The following PIEZO2 variants were observed in gnomAD, a reference collection of about 807,000 sequenced individuals.
The protein encoded by PIEZO2 is piezo type mechanosensitive ion channel component 2, also known as piezo-type mechanosensitive ion channel component 2.
PIEZO2 carries 172 observed loss-of-function variants against 337.3 expected under a neutral mutation model. That is an observed-to-expected ratio of 0.51 (90% CI 0.45 to 0.58). The LOEUF is 0.58. PIEZO2 is among the 20% of genes least tolerant of loss of function. The pLI is 0.00. For synonymous variants in PIEZO2, 1,251 were observed against 1,228.5 expected (o/e 1.02, Z -0.38); for missense variants, 3,028 against 3,391.3 (o/e 0.89, Z 2.66).
At chr18:11,133,854 TAA>T (rs1323922152) in intron 1 of PIEZO2, among the ~76,000 whole-genome samples, 1 of 151,374 alleles carries the variant, frequency 6.6e-6, no homozygotes, top group Non-Finnish European at 1.5e-5. Context: ...TATATACACT[TAA>T]TAAACTCCTC....
intron 5 of PIEZO2, among the ~76,000 whole-genome samples, chr18:10,864,437 C>T (rs927978607): frequency 2.0e-5 from 3 of 152,084 alleles, no homozygotes; most frequent in Non-Finnish European, 2.9e-5. Flanking sequence ...AAAGAGATTA[C>T]GTCTGACTAA....
chr18:10,747,016 T>A (rs1394390162), intron 30 of PIEZO2, among the ~76,000 whole-genome samples: 4 of 152,230 alleles, frequency 2.6e-5, no homozygotes, highest in Non-Finnish European at 4.4e-5. Flanking sequence ...CACCTCTTTG[T>A]AACAGAGTTG....
chr18:11,024,536 A>T (rs1238341829), intron 2 of PIEZO2, among the ~76,000 whole-genome samples: 7 of 133,822 alleles, frequency 5.2e-5, no homozygotes, highest in African/African-American at 1.8e-4. Flanking sequence ...ACAGAGCGAG[A>T]CTCTGTCTCA....
chr18:10,790,676 G>A (rs1160013141), intron 14 of PIEZO2, among the ~76,000 whole-genome samples: 4 of 151,282 alleles, frequency 2.6e-5, no homozygotes. Context: ...TCTTTCATTG[G>A]GAATCACCTT....
Position 10,897,921 on chromosome 18 carries a change from G to T in PIEZO2, c.329+13265C>A, listed in dbSNP as rs545620315. 1.1e-4 allele frequency among the ~76,000 whole-genome samples: 16 copies of T among 152,306 alleles called. No homozygotes were observed. The South Asian group carries it at 3.1e-3, about 30-fold the overall frequency. ...GTTAATAAAATACACGGTCTTCAAA[G>T]ACTTTCTCTGCTATCGAATGATATT... On this transcript the variant is annotated intron_variant, in intron 4 of 55. Coordinates refer to ENST00000674853, the MANE Select transcript of PIEZO2 (RefSeq NM_001378183.1).
intron 1 of PIEZO2, among the ~76,000 whole-genome samples, chr18:11,086,347 C>A (rs2865144): frequency 0.1 from 15,907 of 151,738 alleles, 993 homozygotes; most frequent in Non-Finnish European, 0.14. Flanking sequence ...GGTGAAACCC[C>A]GTCTCGACTA....
chr18:10,809,582 T>C (rs966854022), intron 7 of PIEZO2, among the ~76,000 whole-genome samples: 21 of 150,402 alleles, frequency 1.4e-4, no homozygotes, highest in African/African-American at 4.7e-4. Context: ...TCTCTCTCTT[T>C]TTTTTTTTCT....
chr18:10,773,980 T>C lies in PIEZO2; in HGVS notation c.2567+26A>G. 1 of 703,056 alleles carries C rather than the reference T, an allele frequency of 1.4e-6. No individual in the cohort carries two copies. The highest frequency in any genetic ancestry group is 2.6e-6 in the Non-Finnish European group (1 of 385,004). 43.6% of individuals were successfully genotyped at this position (703,056 alleles called of 1,614,324 possible). A position where few individuals can be genotyped will look rare whatever the true frequency, so the allele number is the denominator to read the frequency against. On this transcript the variant is annotated intron_variant, in intron 19 of 55. Coordinates refer to ENST00000674853, the MANE Select transcript of PIEZO2 (RefSeq NM_001378183.1). The surrounding 1 kb of genome is among the most constrained non-coding windows in gnomAD (Gnocchi z 5.3). ...GAAATGGCATCATGTAGAGCAAGCA[T>C]TTCATGGCTTCACAGGGGGACTTAC...
Position 10,928,159 on chromosome 18 carries a change from G to T in PIEZO2, c.287-16931C>A, listed in dbSNP as rs190749969. Among the ~76,000 whole-genome samples, 14 of 152,280 alleles carry T rather than the reference G, an allele frequency of 9.2e-5. No individual in the cohort carries two copies. The East Asian group carries it at 2.7e-3, about 29-fold the overall frequency. ...AAGAATGAAGTCTGGCTTTGAATAA[G>T]TATCAGTTTCCATATTACAGTAAGG... On this transcript the variant is annotated intron_variant, in intron 3 of 55. Transcript: ENST00000674853.
At chr18:10,811,274 T>G (rs531783503) in intron 7 of PIEZO2, among the ~76,000 whole-genome samples, 1 of 152,212 alleles carries the variant, frequency 6.6e-6, no homozygotes, top group Non-Finnish European at 1.5e-5. Flanking sequence ...TCCACAACAA[T>G]GATATTTGTA....
intron 2 of PIEZO2, among the ~76,000 whole-genome samples, 188 bp downstream of exon 2, chr18:11,065,939 C>T (rs1008272193): frequency 4.6e-5 from 7 of 152,206 alleles, no homozygotes; most frequent in African/African-American, 1.7e-4. Context: ...GACAAACATG[C>T]ATCACAAACA....
At position 10,828,614 on chromosome 18, in the gene PIEZO2, C is replaced by T. The variant is rs553754773; in HGVS notation, c.918-21340G>A. 6.6e-6 allele frequency among the ~76,000 whole-genome samples: 1 copy of T among 152,218 alleles called. No individual in the cohort carries two copies. The highest frequency in any genetic ancestry group is 1.9e-4 in the East Asian group (1 of 5,172). ...TGGTGCCCAGAGAGGGTCCGGAACT[C>T]AAATATTGGTTCTTCTCATACCAAA... is the stretch of plus-strand genomic sequence containing the variant. On this transcript the variant is annotated intron_variant, in intron 7 of 55. Coordinates refer to ENST00000674853, the MANE Select transcript of PIEZO2 (RefSeq NM_001378183.1). The surrounding 1 kb of genome is among the most constrained non-coding windows in gnomAD (Gnocchi z 4.1).
At position 10,684,368 on chromosome 18, in the gene PIEZO2, T is replaced by C. The variant is rs1212120420; in HGVS notation, c.7498-2076A>G. ...TTTTAGTAGAGACAGGGTTTCACCA[T>C]GTTAGCCAGGGTGGTCTCAATCTCC... On this transcript the variant is annotated intron_variant, in intron 49 of 55. Coordinates refer to ENST00000674853, the MANE Select transcript of PIEZO2 (RefSeq NM_001378183.1). 2.3e-4 allele frequency among the ~76,000 whole-genome samples: 35 copies of C among 150,930 alleles called. 1 individual carries two copies. The highest frequency in any genetic ancestry group is 3.0e-5 in the Non-Finnish European group (2 of 67,796).
intron 1 of PIEZO2, among the ~76,000 whole-genome samples, chr18:11,145,418 C>A (rs2040785179): frequency 6.6e-6 from 1 of 152,122 alleles, no homozygotes; most frequent in South Asian, 2.1e-4. Context: ...TAACATCTAT[C>A]ATTAAGTAAA....
At chr18:10,774,252 G>A (rs2038708126) in intron 18 of PIEZO2, among the ~76,000 whole-genome samples, 1 of 152,218 alleles carries the variant, frequency 6.6e-6, no homozygotes, top group Non-Finnish European at 1.5e-5. Flanking sequence ...TCTGAGAGTG[G>A]ACAGGATTGC....
At position 10,940,334 on chromosome 18, in the gene PIEZO2, G is replaced by A. The variant is rs1008507676; in HGVS notation, c.287-29106C>T. On this transcript the variant is annotated intron_variant, in intron 3 of 55. Coordinates refer to ENST00000674853, the MANE Select transcript of PIEZO2 (RefSeq NM_001378183.1). This position sits in a 1 kb window ranked among gnomAD's most constrained non-coding sequence, Gnocchi z 5.3. ...TAACAGATTAGCACCTTTTAGTTAA[G>A]TACAGTGATTCTGTAAAAGTACTGG... Among the ~76,000 whole-genome samples, 1 of 152,156 alleles carries A rather than the reference G, an allele frequency of 6.6e-6. No homozygotes were observed. Among genetic ancestry groups the A allele is most frequent in the African/African-American group, 2.4e-5 (1 of 41,440 alleles).
rs767678918 is a variant in PIEZO2 at position 11,016,223 on chromosome 18, C to T, written c.161-36563G>A. Among the ~76,000 whole-genome samples the T allele has an allele frequency of 7.9e-5, 12 of 152,056 alleles. No homozygotes were observed. The highest frequency in any genetic ancestry group is 1.8e-4 in the Non-Finnish European group (12 of 68,032). ...ATTCACTCTCTTTGAAACTGTCATC[C>T]CACAGGGAAAGAAACAGGCCAAGAG... On this transcript the variant is annotated intron_variant, in intron 2 of 55. Coordinates refer to ENST00000674853, the MANE Select transcript of PIEZO2 (RefSeq NM_001378183.1). The surrounding 1 kb of genome is among the most constrained non-coding windows in gnomAD (Gnocchi z 5.6).
At chr18:10,851,027 T>C (rs1401206632) in intron 7 of PIEZO2, among the ~76,000 whole-genome samples, 2 of 152,140 alleles carry the variant, frequency 1.3e-5, no homozygotes, top group East Asian at 3.8e-4. Flanking sequence ...ATCCAGGAAG[T>C]GAGACAGAAG....
intron 2 of PIEZO2, among the ~76,000 whole-genome samples, chr18:11,061,816 GA>G (rs2037971494): frequency 6.6e-6 from 1 of 152,158 alleles, no homozygotes; most frequent in African/African-American, 2.4e-5. Flanking sequence ...TCAATATCGT[GA>G]AAATGGCCAT....
Sources: allele counts gnomAD v4.1 joint callset (sites outside exome capture counted in the v4.1 genomes callset), GRCh38; gene constraint gnomAD v4.1.1; non-coding constraint Gnocchi (gnomAD v3.1); transcripts MANE v1.5; gene names NCBI Gene and HGNC (gene_info 2026-07-23, HGNC 2026-07-21).